AGBL1: variants seen among roughly 807,000 people sequenced by gnomAD.
The protein encoded by AGBL1 is cytosolic carboxypeptidase 4.
A neutral mutation model predicts 118.9 loss-of-function variants in AGBL1; 130 were observed. The observed-to-expected ratio is 1.09, with a 90% CI of 0.95 to 1.26. The LOEUF (loss-of-function observed/expected upper bound fraction) is 1.26. Ranked by LOEUF, AGBL1 falls within the 50% of genes most tolerant of loss-of-function variation. The probability of loss-of-function intolerance (pLI) is 0.00; values close to 1 mark genes in which losing one functional copy is unlikely to be tolerated. For synonymous variants in AGBL1, 555 were observed against 478.9 expected, an observed-to-expected ratio of 1.16 and a Z score of -2.08; for missense variants, 1,584 against 1,298.1, an observed-to-expected ratio of 1.22 and a Z score of -3.38.
intron 22 of AGBL1, among the ~76,000 whole-genome samples, chr15:86,867,523 A>T (rs1862132033): frequency 6.6e-6 from 1 of 152,102 alleles, no homozygotes; most frequent in Non-Finnish European, 1.5e-5. Flanking sequence ...GACGTGTTTA[A>T]TTTTGTTTTC....
chr15:86,591,802 CT>C (rs912016090), intron 21 of AGBL1, among the ~76,000 whole-genome samples: 2 of 152,110 alleles, frequency 1.3e-5, no homozygotes, highest in African/African-American at 2.4e-5. Flanking sequence ...CCTTTAGCCC[CT>C]CTCCTCTCCC....
chr15:86,857,855 T>G (rs2079505338), intron 22 of AGBL1, among the ~76,000 whole-genome samples: 1 of 152,158 alleles, frequency 6.6e-6, no homozygotes, highest in African/African-American at 2.4e-5. Context: ...GAATCCATTC[T>G]TTCATTTATT....
At position 86,694,927 on chromosome 15, in the gene AGBL1, C is replaced by T. The variant is rs768542149; in HGVS notation, c.3158+20491C>T. 2.0e-5 allele frequency among the ~76,000 whole-genome samples: 3 copies of T among 152,086 alleles called. No homozygotes were observed. In the East Asian group the frequency reaches 5.8e-4, roughly 29 times the overall value. On this transcript the variant is annotated intron_variant, in intron 22 of 22. Coordinates refer to ENST00000614907, the MANE Select transcript of AGBL1 (RefSeq NM_001386094.1). ...CTTTGCATATATTAAACCATTCCTGCATCCTTGATATGAAACCCACTCAAT... is the reference window on the plus strand; with the variant it reads ...CTTTGCATATATTAAACCATTCCTGTATCCTTGATATGAAACCCACTCAAT...
At chr15:86,659,474 A>G (rs778362630) in intron 21 of AGBL1, among the ~76,000 whole-genome samples, 1 of 152,100 alleles carries the variant, frequency 6.6e-6, no homozygotes, top group Non-Finnish European at 1.5e-5. Context: ...TCTGTGCCCA[A>G]TATTGGGGTT....
intron 22 of AGBL1, among the ~76,000 whole-genome samples, chr15:86,905,790 C>A (rs899806541): frequency 1.3e-5 from 2 of 152,168 alleles, no homozygotes; most frequent in Admixed American, 1.3e-4. Flanking sequence ...CCAGGGTTCT[C>A]AATGACTTGA....
chr15:86,274,833 A>T lies in AGBL1; in HGVS notation c.2075+3127A>T, dbSNP rs534835269. Among the ~76,000 whole-genome samples, 28 of 152,202 alleles carry T rather than the reference A, an allele frequency of 1.8e-4. No individual in the cohort carries two copies. The East Asian group carries it at 3.3e-3, about 18-fold the overall frequency. On this transcript the variant is annotated intron_variant, in intron 15 of 22. Transcript: ENST00000614907. ...TAGACAACTTAATTTCTTTCTTACT[A>T]TCTAGATAATAATCATTTTAAGGAG...
intron 21 of AGBL1, among the ~76,000 whole-genome samples, chr15:86,593,537 G>T (rs1283905340): frequency 6.6e-6 from 1 of 152,056 alleles, no homozygotes; most frequent in Non-Finnish European, 1.5e-5. Flanking sequence ...CCTGGCATGA[G>T]ACTCATTATT....
intron 18 of AGBL1, among the ~76,000 whole-genome samples, chr15:86,401,124 C>T (rs888513477): frequency 2.0e-5 from 3 of 152,050 alleles, no homozygotes; most frequent in African/African-American, 4.8e-5. Context: ...ACATCTATTA[C>T]ATTTTGATTT....
intron 5 of AGBL1, among the ~76,000 whole-genome samples, chr15:86,183,934 T>A (rs12591203): frequency 0.41 from 62,742 of 151,936 alleles, 13,154 homozygotes; most frequent in Non-Finnish European, 0.43. Flanking sequence ...ATGAGTCAGA[T>A]CCAGATGGCA....
At chr15:86,853,732 A>G (rs1198033324) in intron 22 of AGBL1, among the ~76,000 whole-genome samples, 1 of 152,192 alleles carries the variant, frequency 6.6e-6, no homozygotes, top group African/African-American at 2.4e-5. Context: ...TAGTTTTAAA[A>G]CATTTGTCAC....
At chr15:86,473,391 C>A (rs564837706) in intron 18 of AGBL1, among the ~76,000 whole-genome samples, 2 of 152,068 alleles carry the variant, frequency 1.3e-5, no homozygotes, top group African/African-American at 4.8e-5. Flanking sequence ...TATCTATTAG[C>A]TTTGATTTCC....
chr15:86,381,493 G>C (rs1328095625), intron 17 of AGBL1, among the ~76,000 whole-genome samples: 2 of 151,972 alleles, frequency 1.3e-5, no homozygotes, highest in African/African-American at 4.8e-5. Context: ...AGGGGTAAAG[G>C]ACCCTGTGTG....
intron 21 of AGBL1, among the ~76,000 whole-genome samples, chr15:86,611,955 G>A (rs1332410556): frequency 6.6e-6 from 1 of 152,174 alleles, no homozygotes; most frequent in Non-Finnish European, 1.5e-5. Flanking sequence ...GTTCTGCTCA[G>A]TAGAGGTCAG....
chr15:86,819,653 A>G (rs2078911876), intron 22 of AGBL1, among the ~76,000 whole-genome samples: 1 of 152,164 alleles, frequency 6.6e-6, no homozygotes, highest in Admixed American at 6.5e-5. Flanking sequence ...GGACACAAAC[A>G]CATGGAAAAA....
chr15:86,483,611 G>A (rs116544719), intron 18 of AGBL1, among the ~76,000 whole-genome samples: 1,721 of 152,104 alleles, frequency 0.011, 38 homozygotes, highest in African/African-American at 0.039. Context: ...TCAGTTTCAG[G>A]CTTGCTCCAA....
intron 5 of AGBL1, among the ~76,000 whole-genome samples, chr15:86,166,394 T>C: frequency 6.6e-6 from 1 of 152,178 alleles, no homozygotes; most frequent in East Asian, 1.9e-4. Context: ...TGGAAATGCC[T>C]TTATAATGCC....
At chr15:86,888,690 T>A (rs181844561) in intron 22 of AGBL1, among the ~76,000 whole-genome samples, 1 of 152,300 alleles carries the variant, frequency 6.6e-6, no homozygotes, top group African/African-American at 2.4e-5. Context: ...TTACCCTTCA[T>A]TTCCTTAAAT....
At chr15:86,305,495 A>G (rs983401938) in intron 17 of AGBL1, among the ~76,000 whole-genome samples, 1 of 152,184 alleles carries the variant, frequency 6.6e-6, no homozygotes, top group Non-Finnish European at 1.5e-5. Flanking sequence ...AATGTTAATG[A>G]TTTTAAACAT....
chr15:86,442,526 G>A (rs1567262630), intron 18 of AGBL1, among the ~76,000 whole-genome samples: 1 of 152,170 alleles, frequency 6.6e-6, no homozygotes, highest in Non-Finnish European at 1.5e-5. Context: ...CATTAATAAC[G>A]ATAACAGTCC....
Sources: gnomAD v4.1 joint callset for allele counts (sites outside exome capture counted in the v4.1 genomes callset) on GRCh38, gnomAD v4.1.1 for gene constraint, MANE v1.5 for transcripts, NCBI Gene and HGNC (gene_info 2026-07-23, HGNC 2026-07-21) for gene names.